The following RUNX2 variants were observed in gnomAD, a reference collection of about 807,000 sequenced individuals.
RUNX2 encodes RUNX family transcription factor 2.
In RUNX2, 10 loss-of-function variants were observed where a neutral mutation model predicts 51.7. The observed-to-expected ratio is 0.19, with a 90% confidence interval of 0.12 to 0.33. The LOEUF is 0.33. Ranked by LOEUF, RUNX2 falls within the 10% of genes least tolerant of loss-of-function variation. The probability of loss-of-function intolerance (pLI) is 1.00; values close to 1 mark genes in which losing one functional copy is unlikely to be tolerated. For synonymous variants in RUNX2, 276 were observed against 273.6 expected, an observed-to-expected ratio of 1.01 and a Z score of -0.09; for missense variants, 562 against 691.3, an observed-to-expected ratio of 0.81 and a Z score of 2.10.
At chr6:45,451,620 A>G (rs1330914429) in intron 5 of RUNX2, among the ~76,000 whole-genome samples, 1 of 152,208 alleles carries the variant, frequency 6.6e-6, no homozygotes, top group African/African-American at 2.4e-5. Flanking sequence ...CAAAATTATG[A>G]GAGTTATTAA....
chr6:45,339,181 A>G (rs1222742609), intron 2 of RUNX2, among the ~76,000 whole-genome samples: 10 of 152,182 alleles, frequency 6.6e-5, no homozygotes, highest in Admixed American at 6.5e-4. Flanking sequence ...AGGGATTGAA[A>G]GAGTATTCCA....
chr6:45,438,888 A>C (rs1429172572), intron 5 of RUNX2, among the ~76,000 whole-genome samples: 2 of 152,184 alleles, frequency 1.3e-5, no homozygotes, highest in African/African-American at 4.8e-5. Flanking sequence ...TGGAAACATC[A>C]TATAGAACTC....
At chr6:45,362,033 A>G (rs1794350083) in intron 2 of RUNX2, among the ~76,000 whole-genome samples, 1 of 152,188 alleles carries the variant, frequency 6.6e-6, no homozygotes, top group Non-Finnish European at 1.5e-5. Context: ...CGCCTGGGCA[A>G]CAAAGCTAGA....
intron 6 of RUNX2, among the ~76,000 whole-genome samples, chr6:45,511,818 T>A (rs1801159718): frequency 6.6e-6 from 1 of 152,264 alleles, no homozygotes; most frequent in African/African-American, 2.4e-5. Context: ...ACATAGTCTT[T>A]AACCAAGTTA....
intron 7 of RUNX2, among the ~76,000 whole-genome samples, chr6:45,518,661 C>G (rs964802654): frequency 2.6e-5 from 4 of 152,126 alleles, no homozygotes; most frequent in Admixed American, 6.5e-5. Flanking sequence ...TGGTTTTTCT[C>G]AGTTGTTTTT....
At chr6:45,539,411 C>T (rs1802149150) in intron 7 of RUNX2, among the ~76,000 whole-genome samples, 1 of 152,176 alleles carries the variant, frequency 6.6e-6, no homozygotes, top group South Asian at 2.1e-4. Context: ...CTGGTCATTT[C>T]ATTATCTTAA....
chr6:45,391,728 A>G (rs1009833852), intron 2 of RUNX2, among the ~76,000 whole-genome samples: 1 of 152,154 alleles, frequency 6.6e-6, no homozygotes, highest in Non-Finnish European at 1.5e-5. Context: ...TGCCAAGCAA[A>G]GGGGAAAGAG....
rs114156206 is a variant in RUNX2, at chr6:45,404,842, C to T, written c.59-17751C>T. ...CTGGAAAGGCAGTGATATAGCCATA[C>T]GGTCAGATAGGCTATGAGTTATAAC... is the stretch of plus-strand genomic sequence containing the variant. On this transcript the variant is annotated intron_variant, in intron 2 of 8. Coordinates refer to ENST00000647337, the MANE Select transcript of RUNX2 (RefSeq NM_001024630.4). 3.8e-3 allele frequency among the ~76,000 whole-genome samples: 579 copies of T among 152,332 alleles called. 5 individuals are homozygous for T. Among genetic ancestry groups the T allele is most frequent in the African/African-American group, 0.012 (505 of 41,578 alleles).
intron 5 of RUNX2, among the ~76,000 whole-genome samples, chr6:45,467,029 C>A (rs545161647): frequency 6.6e-6 from 1 of 152,296 alleles, no homozygotes; most frequent in African/African-American, 2.4e-5. Context: ...TCATTGCCTA[C>A]TCACGCTGAG....
At chr6:45,373,443 A>G (rs1438434994) in intron 2 of RUNX2, among the ~76,000 whole-genome samples, 3 of 152,150 alleles carry the variant, frequency 2.0e-5, no homozygotes, top group African/African-American at 7.2e-5. Context: ...AGTGCCCAAG[A>G]AAATGTTGGT....
chr6:45,483,664 C>T (rs912251977), intron 5 of RUNX2, among the ~76,000 whole-genome samples: 1 of 152,206 alleles, frequency 6.6e-6, no homozygotes, highest in African/African-American at 2.4e-5. Context: ...ATAGTTGTCG[C>T]TGCTGTCAGC....
chr6:45,524,791 A>G (rs1474228869), intron 7 of RUNX2, among the ~76,000 whole-genome samples: 1 of 152,230 alleles, frequency 6.6e-6, no homozygotes, highest in East Asian at 1.9e-4. Flanking sequence ...ACACCTTAGG[A>G]AAACAGTACA....
chr6:45,503,865 C>T (rs1800873058), intron 6 of RUNX2, among the ~76,000 whole-genome samples: 1 of 152,166 alleles, frequency 6.6e-6, no homozygotes, highest in African/African-American at 2.4e-5. Flanking sequence ...CATTTTATTA[C>T]AGGATATGAT....
intron 2 of RUNX2, among the ~76,000 whole-genome samples, chr6:45,411,323 C>T (rs986545628): frequency 6.6e-6 from 1 of 152,116 alleles, no homozygotes; most frequent in Admixed American, 6.5e-5. Context: ...GAGTCTCCCC[C>T]CTTTTATTCA....
At chr6:45,330,014 T>A (rs1331843632) in intron 2 of RUNX2, among the ~76,000 whole-genome samples, 2 of 151,864 alleles carry the variant, frequency 1.3e-5, no homozygotes, top group Non-Finnish European at 2.9e-5. Flanking sequence ...AACTGGATAC[T>A]ACTAGAGGAT....
At chr6:45,472,749 G>T (rs183832116) in intron 5 of RUNX2, among the ~76,000 whole-genome samples, 1 of 152,258 alleles carries the variant, frequency 6.6e-6, no homozygotes, top group East Asian at 1.9e-4. Context: ...TCGATTTAGT[G>T]AAACACCCGT....
chr6:45,518,397 G>C (rs1294277910), intron 7 of RUNX2, among the ~76,000 whole-genome samples: 1 of 152,058 alleles, frequency 6.6e-6, no homozygotes, highest in African/African-American at 2.4e-5. Flanking sequence ...CCTAAAAATA[G>C]CCTATCTTTT....
intron 2 of RUNX2, chr6:45,377,931 G>C (rs1477511582): frequency 6.6e-6 from 1 of 152,272 alleles, no homozygotes; most frequent in East Asian, 1.9e-4. Context: ...TGACTCGGCT[G>C]TGTGACGGGG....
intron 5 of RUNX2, among the ~76,000 whole-genome samples, chr6:45,477,695 TCA>T (rs1799994561): frequency 6.6e-6 from 1 of 152,232 alleles, no homozygotes; most frequent in African/African-American, 2.4e-5. Flanking sequence ...GTATACTCTC[TCA>T]GTGTTTATCT....
Sources: allele counts gnomAD v4.1 joint callset (sites outside exome capture counted in the v4.1 genomes callset), GRCh38; gene constraint gnomAD v4.1.1; transcripts MANE v1.5; gene names NCBI Gene and HGNC (gene_info 2026-07-23, HGNC 2026-07-21).